The following AGBL4 variants were observed in gnomAD, a reference collection of about 807,000 sequenced individuals.
The protein encoded by AGBL4 is AGBL carboxypeptidase 4, also known as cytosolic carboxypeptidase 6.
A neutral mutation model predicts 66.4 loss-of-function variants in AGBL4; 58 were observed. The observed-to-expected ratio is 0.87, with a 90% CI of 0.71 to 1.09. The LOEUF (loss-of-function observed/expected upper bound fraction) is 1.09. Among genes scored for constraint, AGBL4 ranks in the 50% least tolerant of loss-of-function variants. The probability of loss-of-function intolerance (pLI) is 0.00; values close to 1 mark genes in which losing one functional copy is unlikely to be tolerated. For synonymous variants in AGBL4, 234 were observed against 222.9 expected (o/e 1.05, Z -0.44); for missense variants, 579 against 631.0 (o/e 0.92, Z 0.88).
At chr1:49,038,425 G>A (rs1333906167) in intron 5 of AGBL4, among the ~76,000 whole-genome samples, 2 of 151,988 alleles carry the variant, frequency 1.3e-5, no homozygotes, top group Non-Finnish European at 2.9e-5. Flanking sequence ...CCTTTAACCT[G>A]CATAAACACA....
intron 5 of AGBL4, among the ~76,000 whole-genome samples, chr1:48,939,929 A>G (rs1002753049): frequency 1.3e-5 from 2 of 152,220 alleles, no homozygotes; most frequent in Non-Finnish European, 2.9e-5. Flanking sequence ...TGCCACTGGC[A>G]TCTAGTGGGT....
At chr1:49,075,161 C>A (rs747235504) in intron 4 of AGBL4, among the ~76,000 whole-genome samples, 64 of 152,056 alleles carry the variant, frequency 4.2e-4, no homozygotes, top group Non-Finnish European at 4.3e-4. Context: ...GTCTGTAGTT[C>A]TTCTAGGTCT....
intron 4 of AGBL4, among the ~76,000 whole-genome samples, chr1:49,160,593 C>G (rs1294558003): frequency 6.6e-6 from 1 of 152,184 alleles, no homozygotes; most frequent in Non-Finnish European, 1.5e-5. Flanking sequence ...GGGAGATCCA[C>G]TGCTCTCTTT....
chr1:49,591,363 TGTAA>T (rs1644748443), intron 3 of AGBL4, among the ~76,000 whole-genome samples: 1 of 151,970 alleles, frequency 6.6e-6, no homozygotes, highest in Admixed American at 6.6e-5. Flanking sequence ...TTAAAGGAAT[TGTAA>T]GTGATATTAT....
chr1:49,529,710 T>C (rs904856326), intron 3 of AGBL4, among the ~76,000 whole-genome samples: 1 of 152,028 alleles, frequency 6.6e-6, no homozygotes, highest in Non-Finnish European at 1.5e-5. Flanking sequence ...TTATTGTTAC[T>C]ATTCAATAAC....
chr1:49,214,835 G>C (rs1360624857), intron 4 of AGBL4, among the ~76,000 whole-genome samples: 2 of 152,230 alleles, frequency 1.3e-5, no homozygotes, highest in East Asian at 1.9e-4. Context: ...AAGGGATAAA[G>C]GGAGTATCAA....
the AGBL4 span, among the ~76,000 whole-genome samples, chr1:48,527,593 CAA>C: frequency 6.6e-5 from 8 of 121,594 alleles, no homozygotes; most frequent in South Asian, 2.7e-4. Context: ...GACTCCATCT[CAA>C]AAAAAAAAAA....
At chr1:49,033,852 T>C (rs1022925971) in intron 5 of AGBL4, among the ~76,000 whole-genome samples, 8 of 151,984 alleles carry the variant, frequency 5.3e-5, no homozygotes, top group Admixed American at 5.3e-4. Context: ...CTCAGATTTT[T>C]AGTTTGGTTT....
At chr1:49,055,111 GA>G in intron 4 of AGBL4, among the ~76,000 whole-genome samples, 1 of 152,066 alleles carries the variant, frequency 6.6e-6, no homozygotes, top group Admixed American at 6.5e-5. Flanking sequence ...TTTACCTTGG[GA>G]TAACAGCTTA....
intron 2 of AGBL4, among the ~76,000 whole-genome samples, chr1:49,779,275 G>C (rs1396834721): frequency 6.6e-6 from 1 of 152,116 alleles, no homozygotes; most frequent in Admixed American, 6.6e-5. Context: ...ATGTCAAAAT[G>C]GTTAATGAAT....
intron 4 of AGBL4, among the ~76,000 whole-genome samples, chr1:49,101,691 G>A (rs1645205331): frequency 6.6e-6 from 1 of 152,146 alleles, no homozygotes; most frequent in South Asian, 2.1e-4. Flanking sequence ...ATTGATTTGT[G>A]TCTGTGTTTG....
rs1046819341 is a variant in AGBL4 at position 48,729,614 on chromosome 1, G to C, written c.635-66373C>G. Reference sequence around the variant, plus strand: ...CTAACATATGAGAAGCCCAGGCCTGGAGAAAGGGAGTAGGTATGGGGCAGA... The same window carrying C: ...CTAACATATGAGAAGCCCAGGCCTGCAGAAAGGGAGTAGGTATGGGGCAGA... On this transcript the variant is annotated intron_variant, in intron 6 of 13. Transcript: ENST00000371839. Among the ~76,000 whole-genome samples the C allele has an allele frequency of 3.9e-5, 6 of 152,136 alleles. No individual in the cohort carries two copies. The South Asian group carries it at 1.3e-3, about 32-fold the overall frequency.
chr1:48,661,931 G>A (rs1646113819), intron 7 of AGBL4, among the ~76,000 whole-genome samples: 1 of 152,154 alleles, frequency 6.6e-6, no homozygotes, highest in African/African-American at 2.4e-5. Context: ...CAATGCTGGG[G>A]AGGAAGAAGG....
chr1:48,878,340 C>T (rs1360739927), intron 5 of AGBL4, among the ~76,000 whole-genome samples: 1 of 152,168 alleles, frequency 6.6e-6, no homozygotes, highest in Non-Finnish European at 1.5e-5. Flanking sequence ...GCTGTGTTTT[C>T]TGGCCCCAGC....
chr1:49,790,384 A>T (rs954558611), intron 2 of AGBL4, among the ~76,000 whole-genome samples: 2 of 148,146 alleles, frequency 1.4e-5, no homozygotes, highest in African/African-American at 5.0e-5. Context: ...AAAAAAAAAG[A>T]AGCTCAGTAA....
chr1:49,567,154 G>T (rs1437277263), intron 3 of AGBL4, among the ~76,000 whole-genome samples: 2 of 152,224 alleles, frequency 1.3e-5, no homozygotes, highest in African/African-American at 2.4e-5. Context: ...TTGGAAAAGT[G>T]CAGTATTAGG....
At chr1:48,818,287 T>C in intron 6 of AGBL4, 1 of 716,890 alleles carries the variant, frequency 1.4e-6, no homozygotes. Context: ...TGGCATCTAC[T>C]TCACCGAAGG....
At chr1:49,043,893 C>T (rs776833631) in intron 5 of AGBL4, among the ~76,000 whole-genome samples, 13 of 152,120 alleles carry the variant, frequency 8.5e-5, no homozygotes, top group Non-Finnish European at 1.8e-4. Context: ...TTTAGAAATG[C>T]GTCTCACTTT....
At chr1:48,923,572 G>A (rs1471429703) in intron 5 of AGBL4, among the ~76,000 whole-genome samples, 7 of 152,176 alleles carry the variant, frequency 4.6e-5, no homozygotes, top group Non-Finnish European at 1.0e-4. Flanking sequence ...TAAATTAGAA[G>A]AGTAATATAG....
Sources: allele counts gnomAD v4.1 joint callset (sites outside exome capture counted in the v4.1 genomes callset), GRCh38; gene constraint gnomAD v4.1.1; transcripts MANE v1.5; gene names NCBI Gene and HGNC (gene_info 2026-07-23, HGNC 2026-07-21).